DPY19L4: variants seen among roughly 807,000 people sequenced by gnomAD.
The protein encoded by DPY19L4 is probable C-mannosyltransferase DPY19L4.
DPY19L4 carries 97 observed loss-of-function variants against 102.8 expected under a neutral mutation model. The ratio of observed to expected loss-of-function variants is 0.94; its 90% CI spans 0.80 to 1.12. The LOEUF (loss-of-function observed/expected upper bound fraction) is 1.12, where lower values mean the gene tolerates loss of function less well. Among genes scored for constraint, DPY19L4 ranks in the 50% most tolerant of loss-of-function variants. The pLI, the probability that DPY19L4 is intolerant of heterozygous loss-of-function variation, is 0.00. For synonymous variants in DPY19L4, 252 were observed against 283.1 expected (o/e 0.89, Z 1.10); for missense variants, 815 against 850.4 (o/e 0.96, Z 0.52).
intron 6 of DPY19L4, among the ~76,000 whole-genome samples, chr8:94,755,070 G>T (rs117258097): frequency 0.013 from 1,973 of 152,314 alleles, 23 homozygotes; most frequent in Non-Finnish European, 0.021. Context: ...TTACAGGCAT[G>T]ATCCACCGTG....
chr8:94,744,325 A>C (rs1811576274), intron 6 of DPY19L4: 1 of 456,310 alleles, frequency 2.2e-6, no homozygotes, highest in African/African-American at 2.0e-5. Flanking sequence ...AATTTCTTAC[A>C]TATGGGCCTC....
intron 3 of DPY19L4, among the ~76,000 whole-genome samples, chr8:94,738,160 T>C (rs1355547253): frequency 6.8e-6 from 1 of 147,448 alleles, no homozygotes; most frequent in Non-Finnish European, 1.5e-5. Context: ...CTACTAAAAA[T>C]ACAAAAAAAT....
rs541854734 is a variant in DPY19L4 at position 94,734,586 on chromosome 8, A to G, written c.128-44A>G. 121 of 1,563,196 alleles carry G rather than the reference A, an allele frequency of 7.7e-5. No individual in the cohort carries two copies. The South Asian group carries it at 1.4e-3, about 18-fold the overall frequency. On this transcript the variant is annotated intron_variant, in intron 2 of 18. Transcript: ENST00000414645. ...TGCCATTTTTAATTACATCATATCA[A>G]GGGTACATATTACCTTTTCATTACT...
intron 2 of DPY19L4, among the ~76,000 whole-genome samples, chr8:94,731,984 G>T (rs1253595553): frequency 1.3e-5 from 2 of 152,072 alleles, no homozygotes; most frequent in Middle Eastern, 3.4e-3. Flanking sequence ...TGTTAGCCAG[G>T]ATGGTCTCAA....
intron 3 of DPY19L4, 45 bp downstream of exon 3, chr8:94,734,799 G>A: frequency 6.2e-7 from 1 of 1,610,666 alleles, no homozygotes; most frequent in African/African-American, 1.3e-5. Flanking sequence ...TTTTCCCAGG[G>A]AACCAGAATG....
intron 9 of DPY19L4, 69 bp downstream of exon 9, chr8:94,765,383 T>G: frequency 6.8e-7 from 1 of 1,460,352 alleles, no homozygotes; most frequent in Non-Finnish European, 9.3e-7. Flanking sequence ...CTCACTCTGT[T>G]GCCCAGGCTG....
At chr8:94,752,457 G>A (rs1164979933) in intron 6 of DPY19L4, among the ~76,000 whole-genome samples, 2 of 150,818 alleles carry the variant, frequency 1.3e-5, no homozygotes, top group Admixed American at 6.6e-5. Context: ...ATGGTGGCAC[G>A]CGCCTGTAGT....
chr8:94,746,054 A>AT (rs35095979), intron 6 of DPY19L4, among the ~76,000 whole-genome samples: 10,224 of 67,148 alleles, frequency 0.15, 1,141 homozygotes, highest in Non-Finnish European at 0.17. Context: ...ATGCCTGGCC[A>AT]TTTTTTTTTT....
At chr8:94,723,898 A>G (rs892695500) in intron 1 of DPY19L4, among the ~76,000 whole-genome samples, 4 of 152,136 alleles carry the variant, frequency 2.6e-5, no homozygotes, top group African/African-American at 9.7e-5. Context: ...CATTGCTAAT[A>G]TAAGTTCTTG....
chr8:94,788,042 C>G lies in DPY19L4; in HGVS notation c.1997C>G (p.Ala666Gly). 1 of 1,451,256 alleles carries G rather than the reference C, an allele frequency of 6.9e-7. No homozygotes were observed. The highest frequency in any genetic ancestry group is 2.8e-5 in the East Asian group (1 of 35,770). The allele number at this position is 1,451,256 out of a possible 1,614,324, so 89.9% of individuals were successfully genotyped here. A position where few individuals can be genotyped will look rare whatever the true frequency, so the allele number is the denominator to read the frequency against. Residue 666 changes from alanine to glycine, a missense_variant, in exon 18 of 19, where the codon GCA becomes GGA. Coordinates refer to ENST00000414645, the MANE Select transcript of DPY19L4 (RefSeq NM_181787.3). The part of the protein sequence containing the change: ...GCRVKDLLDI[A>G]NGHMVCEEGD... ...AGGGTTAAAGATTTATTAGACATTG[C>G]AAATGGCCACGTAAGTAACCATTTG...
At chr8:94,734,583 T>C (rs1340130277) in intron 2 of DPY19L4, 47 bp from the exon 3 acceptor site, 1 of 1,555,602 alleles carries the variant, frequency 6.4e-7, no homozygotes, top group Non-Finnish European at 8.7e-7. Context: ...TTACATCATA[T>C]CAAGGGTACA....
intron 1 of DPY19L4, among the ~76,000 whole-genome samples, chr8:94,725,710 A>G (rs1005537626): frequency 8.6e-5 from 13 of 152,022 alleles, no homozygotes; most frequent in Admixed American, 5.2e-4. Flanking sequence ...ATCTCGGCTC[A>G]CTGCAAGCTC....
intron 11 of DPY19L4, among the ~76,000 whole-genome samples, chr8:94,767,219 G>A (rs906076132): frequency 3.9e-5 from 6 of 151,910 alleles, no homozygotes; most frequent in Admixed American, 1.3e-4. Flanking sequence ...CTTTTCCCAC[G>A]GCTAGGGATT....
chr8:94,745,683 T>C (rs992780349), intron 6 of DPY19L4, among the ~76,000 whole-genome samples: 1 of 152,202 alleles, frequency 6.6e-6, no homozygotes, highest in Non-Finnish European at 1.5e-5. Flanking sequence ...AATTCCGTTT[T>C]ATTCCAAGGA....
chr8:94,745,874 C>T (rs1385703271), intron 6 of DPY19L4, among the ~76,000 whole-genome samples: 1 of 152,010 alleles, frequency 6.6e-6, no homozygotes, highest in Non-Finnish European at 1.5e-5. Flanking sequence ...CCTGCCTCAG[C>T]CTCCCGAGTA....
intron 7 of DPY19L4, among the ~76,000 whole-genome samples, chr8:94,757,469 G>A (rs1221106623): frequency 6.6e-6 from 1 of 151,940 alleles, no homozygotes; most frequent in East Asian, 1.9e-4. Context: ...GAGTGTGATG[G>A]CGTGATCTCT....
In DPY19L4 at chr8:94,755,665, C is replaced by T. The variant is rs529248861; in HGVS notation, c.612-371C>T. 1.1e-4 allele frequency among the ~76,000 whole-genome samples: 17 copies of T among 152,046 alleles called. No individual in the cohort carries two copies. The East Asian group carries it at 2.7e-3, about 24-fold the overall frequency. On this transcript the variant is annotated intron_variant, in intron 6 of 18. Coordinates refer to ENST00000414645, the MANE Select transcript of DPY19L4 (RefSeq NM_181787.3). ...ATCCCAGCACTTTGGGAGGTCGAGG[C>T]GGGTGGATCACCTGAGGTCAGGAGT...
At chr8:94,781,720 G>A (rs1813439299) in intron 16 of DPY19L4, among the ~76,000 whole-genome samples, 1 of 152,210 alleles carries the variant, frequency 6.6e-6, no homozygotes, top group African/African-American at 2.4e-5. Flanking sequence ...AAGGGGTAGA[G>A]AAAGAAGATG....
At chr8:94,759,568 A>G (rs1426361518) in intron 7 of DPY19L4, among the ~76,000 whole-genome samples, 1 of 126,998 alleles carries the variant, frequency 7.9e-6, no homozygotes, top group African/African-American at 3.1e-5. Flanking sequence ...GTGCAATGGC[A>G]TGATCTCAGC....
Sources: allele counts gnomAD v4.1 joint callset (sites outside exome capture counted in the v4.1 genomes callset), GRCh38; gene constraint gnomAD v4.1.1; transcripts MANE v1.5; gene names NCBI Gene and HGNC (gene_info 2026-07-23, HGNC 2026-07-21).